SHTN1: variants seen among roughly 807,000 people sequenced by gnomAD.
The protein encoded by SHTN1 is shootin 1.
Under a neutral mutation model 83.1 loss-of-function variants are expected in SHTN1, and 42 were observed. The observed-to-expected ratio is 0.51, with a 90% CI of 0.39 to 0.65. SHTN1 has a LOEUF of 0.65. SHTN1 is among the 30% of genes least tolerant of loss of function. SHTN1 has a pLI of 0.00. For missense variants in SHTN1, 622 were observed against 737.8 expected (o/e 0.84, Z 1.82); for synonymous variants, 224 against 247.7 (o/e 0.90, Z 0.90).
At chr10:117,058,017 C>T (rs1852849900) in intron 1 of SHTN1, among the ~76,000 whole-genome samples, 1 of 152,132 alleles carries the variant, frequency 6.6e-6, no homozygotes, top group South Asian at 2.1e-4. Context: ...ACACCATATA[C>T]AAAAATTCAC....
At chr10:116,928,824 GGTTTC>G (rs1254939325) in intron 10 of SHTN1, among the ~76,000 whole-genome samples, 2 of 152,142 alleles carry the variant, frequency 1.3e-5, no homozygotes, top group Non-Finnish European at 2.9e-5. Context: ...CAAAAAGCAT[GGTTTC>G]TTTTCTTCTG....
intron 8 of SHTN1, among the ~76,000 whole-genome samples, chr10:116,941,021 T>C (rs1849351122): frequency 6.6e-6 from 1 of 152,242 alleles, no homozygotes; most frequent in Non-Finnish European, 1.5e-5. Flanking sequence ...TACTAAACAC[T>C]ATGTGATAGA....
chr10:117,054,900 C>G (rs1302081366), intron 1 of SHTN1, among the ~76,000 whole-genome samples: 8 of 152,126 alleles, frequency 5.3e-5, no homozygotes. Context: ...TTGTCTATAA[C>G]TCCTACCTCC....
At position 116,980,071 on chromosome 10, in the gene SHTN1, A is replaced by G. The variant is rs555064296; in HGVS notation, c.59-763T>C. Among the ~76,000 whole-genome samples, 5 of 111,976 alleles carry G rather than the reference A, an allele frequency of 4.5e-5. No individual in the cohort carries two copies. In the South Asian group the frequency reaches 8.4e-4, roughly 19 times the overall value. The allele number at this position is 111,976 out of a possible 152,430, so 73.5% of individuals were successfully genotyped here. A position where few individuals can be genotyped will look rare whatever the true frequency, so the allele number is the denominator to read the frequency against. On this transcript the variant is annotated intron_variant, in intron 1 of 16. Coordinates refer to ENST00000355371, the MANE Select transcript of SHTN1 (RefSeq NM_001127211.3). ...AAAATCGTTTATTGCCCCTGCCCAG[A>G]AAAAAAAAACGAAACCTAAATCCCC...
intron 1 of SHTN1, among the ~76,000 whole-genome samples, chr10:117,059,460 G>A (rs1170052071): frequency 3.3e-5 from 5 of 152,212 alleles, no homozygotes; most frequent in Admixed American, 2.0e-4. Context: ...GCCAAAAACC[G>A]AAAACAACAT....
intron 2 of SHTN1, among the ~76,000 whole-genome samples, chr10:116,976,983 C>T (rs1308971852): frequency 6.6e-6 from 1 of 152,172 alleles, no homozygotes; most frequent in Non-Finnish European, 1.5e-5. Flanking sequence ...TGCAGTGAAA[C>T]ATGTAAACAG....
intron 1 of SHTN1, among the ~76,000 whole-genome samples, chr10:116,985,233 T>TG (rs1851180313): frequency 6.6e-6 from 1 of 152,210 alleles, no homozygotes. Flanking sequence ...GTTGAATAAA[T>TG]GAATGAATGG....
intron 11 of SHTN1, among the ~76,000 whole-genome samples, chr10:116,924,533 T>C (rs1848671335): frequency 6.6e-6 from 1 of 151,660 alleles, no homozygotes; most frequent in African/African-American, 2.4e-5. Context: ...CAAAGGAAAA[T>C]CATTGCAATA....
intron 16 of SHTN1, among the ~76,000 whole-genome samples, chr10:116,894,186 A>G (rs1002019836): frequency 7.9e-5 from 12 of 152,244 alleles, no homozygotes; most frequent in African/African-American, 2.9e-4. Flanking sequence ...AATGGCCCAA[A>G]CAAGATGAAC....
intron 16 of SHTN1, 38 bp from the exon 17 acceptor site, chr10:116,886,604 A>G (rs1489133423): frequency 6.2e-7 from 1 of 1,609,816 alleles, no homozygotes; most frequent in South Asian, 1.1e-5. Flanking sequence ...AGTAAAAAGC[A>G]GAGAGAGAAA....
intron 9 of SHTN1, among the ~76,000 whole-genome samples, chr10:116,939,060 G>C (rs1008525296): frequency 6.6e-6 from 1 of 152,200 alleles, no homozygotes; most frequent in African/African-American, 2.4e-5. Flanking sequence ...CTGCTGTGCT[G>C]GCAGCGACAA....
intron 8 of SHTN1, among the ~76,000 whole-genome samples, chr10:116,943,246 T>G (rs1485802172): frequency 6.6e-6 from 1 of 152,214 alleles, no homozygotes; most frequent in East Asian, 1.9e-4. Flanking sequence ...AATCATTCAT[T>G]TTTGTCTTCT....
intron 2 of SHTN1, among the ~76,000 whole-genome samples, chr10:117,031,180 T>A (rs1852408808): frequency 1.3e-5 from 2 of 152,244 alleles, no homozygotes; most frequent in African/African-American, 4.8e-5. Context: ...GGTGGAAACC[T>A]TACAGGTCAG....
intron 9 of SHTN1, among the ~76,000 whole-genome samples, chr10:116,933,938 A>T (rs958678002): frequency 6.6e-6 from 1 of 151,964 alleles, no homozygotes; most frequent in African/African-American, 2.4e-5. Flanking sequence ...GCTTTTTTTC[A>T]TATGTTTGTT....
At position 116,940,474 on chromosome 10, in the gene SHTN1, G is replaced by C; in HGVS notation, c.850C>G (p.Gln284Glu). Reference sequence around the variant, plus strand: ...AGAAGAAAATGGGTTACCTTTTGTTGATGCTGAATTCTCTCTTCTTCAAGT... The same window carrying C: ...AGAAGAAAATGGGTTACCTTTTGTTCATGCTGAATTCTCTCTTCTTCAAGT... ...QQLEEERIQH[Q>E]QKVKELEEQL... The change falls in exon 9 of 17, where the codon CAA becomes GAA. Residue 284 changes from glutamine to glutamate, a missense_variant. Coordinates refer to ENST00000355371, the MANE Select transcript of SHTN1 (RefSeq NM_001127211.3). 1 of 1,613,586 alleles carries C rather than the reference G, an allele frequency of 6.2e-7. No homozygotes were observed. Among genetic ancestry groups the C allele is most frequent in the African/African-American group, 1.3e-5 (1 of 75,002 alleles).
chr10:117,101,235 T>C (rs1482775545), intron 1 of SHTN1, among the ~76,000 whole-genome samples: 1 of 152,216 alleles, frequency 6.6e-6, no homozygotes, highest in African/African-American at 2.4e-5. Flanking sequence ...ACACCTTATA[T>C]AACATTGTAT....
At chr10:117,074,097 C>G (rs184823272) in intron 1 of SHTN1, among the ~76,000 whole-genome samples, 1 of 152,224 alleles carries the variant, frequency 6.6e-6, no homozygotes, top group Admixed American at 6.5e-5. Context: ...TCATTTTTCC[C>G]CTTTAGCTAA....
chr10:117,110,525 T>G (rs1853750692), intron 1 of SHTN1, among the ~76,000 whole-genome samples: 1 of 151,994 alleles, frequency 6.6e-6, no homozygotes, highest in South Asian at 2.1e-4. Flanking sequence ...GTAATTTTTT[T>G]TTTTTTTTGT....
chr10:116,955,895 A>G (rs1849963732), intron 4 of SHTN1, among the ~76,000 whole-genome samples: 1 of 152,172 alleles, frequency 6.6e-6, no homozygotes, highest in Non-Finnish European at 1.5e-5. Flanking sequence ...GGAGATCAAG[A>G]TAAAAGATGA....
Sources: allele counts gnomAD v4.1 joint callset (sites outside exome capture counted in the v4.1 genomes callset), GRCh38; gene constraint gnomAD v4.1.1; transcripts MANE v1.5; gene names NCBI Gene and HGNC (gene_info 2026-07-23, HGNC 2026-07-21).